Variants in MRE11 observed in about 807,000 individuals in gnomAD.
MRE11 encodes double-strand break repair protein MRE11.
A neutral mutation model predicts 91.7 loss-of-function variants in MRE11; 62 were observed. The ratio of observed to expected loss-of-function variants is 0.68; its 90% confidence interval spans 0.55 to 0.84. The LOEUF (loss-of-function observed/expected upper bound fraction) is 0.84. MRE11 is among the 40% of genes least tolerant of loss of function. The pLI is 0.00. For missense variants in MRE11, 796 were observed against 852.9 expected (o/e 0.93, Z 0.83); for synonymous variants, 273 against 271.4 (o/e 1.01, Z -0.06).
the MRE11 span, chr11:94,499,301 C>G: frequency 3.9e-5 from 6 of 152,550 alleles, 1 homozygote; most frequent in South Asian, 1.2e-3. Flanking sequence ...TATCTGCTAT[C>G]CAACTGGTTT....
At chr11:94,446,151 T>C (rs1591653533) in intron 15 of MRE11, among the ~76,000 whole-genome samples, 1 of 152,252 alleles carries the variant, frequency 6.6e-6, no homozygotes, top group African/African-American at 2.4e-5. Context: ...CTCACGCCTG[T>C]AATCCCAGCA....
intron 19 of MRE11, among the ~76,000 whole-genome samples, chr11:94,421,640 T>C (rs1945174149): frequency 6.6e-6 from 1 of 152,248 alleles, no homozygotes; most frequent in East Asian, 1.9e-4. Context: ...TGCTGCCATT[T>C]TTCTTGGCAG....
intron 10 of MRE11, 140 bp downstream of exon 10, chr11:94,467,673 C>A: frequency 2.9e-6 from 2 of 696,738 alleles, no homozygotes; most frequent in South Asian, 1.7e-5. Context: ...ATCCTTATAT[C>A]TTTGTTTTTG....
At chr11:94,437,394 T>C (rs1383376995) in intron 16 of MRE11, among the ~76,000 whole-genome samples, 159 bp from the exon 17 acceptor site, 3 of 152,200 alleles carry the variant, frequency 2.0e-5, no homozygotes, top group Non-Finnish European at 4.4e-5. Context: ...TAAAGGGAGA[T>C]AGAATTATAG....
At chr11:94,499,312 T>C in the MRE11 span, 1 of 152,626 alleles carries the variant, frequency 6.6e-6, no homozygotes, top group Non-Finnish European at 1.5e-5. Flanking sequence ...CAACTGGTTT[T>C]ACCTGCCTAA....
At chr11:94,475,668 C>G (rs1322013857) in intron 7 of MRE11, 2 of 455,634 alleles carry the variant, frequency 4.4e-6, no homozygotes, top group South Asian at 3.1e-5. Context: ...GAAAGGTAAT[C>G]TAGCTATATT....
At position 94,492,839 on chromosome 11, in the gene MRE11, TCTCC is replaced by T; in HGVS notation, c.-42_-39del. The stretch of plus-strand genomic sequence containing the variant: ...TCAAGCTCCTCTGGGACCAGGTTCT[TCTCC>T]AAGAACCCCTGGGTACTGTACTCAA... On this transcript the variant is annotated 5_prime_UTR_variant, in exon 2 of 20. Transcript: ENST00000323929. 1.2e-6 allele frequency: 2 copies of T among 1,602,680 alleles called. No individual in the cohort carries two copies. Among genetic ancestry groups the T allele is most frequent in the African/African-American group, 1.3e-5 (1 of 74,798 alleles).
chr11:94,487,521 A>C (rs191971844), intron 3 of MRE11, among the ~76,000 whole-genome samples: 34 of 152,322 alleles, frequency 2.2e-4, no homozygotes, highest in South Asian at 2.1e-4. Context: ...AATGTACCAG[A>C]TTAAAGGAGA....
upstream of MRE11, among the ~76,000 whole-genome samples, chr11:94,494,559 T>C (rs1947382110): frequency 6.6e-6 from 1 of 152,126 alleles, no homozygotes; most frequent in African/African-American, 2.4e-5. Context: ...CGGATCTCTC[T>C]CAAAATAGGA....
In MRE11 at chr11:94,459,412, T is replaced by C. The variant is rs774145193; in HGVS notation, c.1496A>G (p.Glu499Gly). 40 of 1,613,914 alleles carry C rather than the reference T, an allele frequency of 2.5e-5. No individual in the cohort carries two copies. Among genetic ancestry groups the C allele is most frequent in the Middle Eastern group, 3.3e-4 (2 of 6,028 alleles). Reference protein sequence around the residue: ...HIDALEDKIDEEVRRFRETRQ... With the variant: ...HIDALEDKIDGEVRRFRETRQ... ...ACACTCAAATTAGTTACTTACCTCC[T>C]CATCGATTTTGTCTTCGAGGGCATC... is the stretch of plus-strand genomic sequence containing the variant. The change falls in exon 13 of 20, where the codon GAG (glutamate) becomes GGG (glycine). Residue 499 changes from glutamate to glycine, a missense_variant. Glu to Gly is a moderately conservative substitution (Grantham distance 98, BLOSUM62 -2). Transcript: ENST00000323929.
intron 14 of MRE11, among the ~76,000 whole-genome samples, chr11:94,448,397 C>T (rs991730706): frequency 2.6e-5 from 4 of 151,296 alleles, no homozygotes; most frequent in Admixed American, 2.0e-4. Flanking sequence ...GGCAACATGG[C>T]GAGACCCTGC....
chr11:94,485,385 T>C (rs1400404232), intron 4 of MRE11, among the ~76,000 whole-genome samples: 1 of 152,134 alleles, frequency 6.6e-6, no homozygotes, highest in African/African-American at 2.4e-5. Context: ...TAAATATTTC[T>C]GTCAACAAGA....
Position 94,418,188 on chromosome 11 carries a change from G to A in MRE11, c.*1937C>T, listed in dbSNP as rs1446909764. On this transcript the variant is annotated 3_prime_UTR_variant, in exon 20 of 20. Coordinates refer to ENST00000323929, the MANE Select transcript of MRE11 (RefSeq NM_005591.4). ...AAGGATATATAGCACATTTAACTAT[G>A]TAACAATATTCAATCAAAAAAAGGT... The A allele has an allele frequency of 4.3e-6, 1 of 232,904 alleles. No individual in the cohort carries two copies. The highest frequency in any genetic ancestry group is 8.5e-6 in the Non-Finnish European group (1 of 117,958). The allele number at this position is 232,904 out of a possible 1,614,324, so 14.4% of individuals were successfully genotyped here. A position where few individuals can be genotyped will look rare whatever the true frequency, so the allele number is the denominator to read the frequency against.
rs1374095736 is a variant in MRE11, at chr11:94,445,792, C to T, written c.1867+18G>A. ...TAATGTTGGAATTTATAAATAATCA[C>T]TTGCAGTCTATACTCACCATCTATA... On this transcript the variant is annotated intron_variant, in intron 16 of 19. Coordinates refer to ENST00000323929, the MANE Select transcript of MRE11 (RefSeq NM_005591.4). 6.4e-7 allele frequency: 1 copy of T among 1,556,728 alleles called. No individual in the cohort carries two copies. The highest frequency in any genetic ancestry group is 8.9e-7 in the Non-Finnish European group (1 of 1,127,852).
At chr11:94,437,599 C>G (rs1184159944) in intron 16 of MRE11, among the ~76,000 whole-genome samples, 1 of 152,192 alleles carries the variant, frequency 6.6e-6, no homozygotes, top group Non-Finnish European at 1.5e-5. Context: ...GTTGACGATA[C>G]CTTTATCCCT....
upstream of MRE11, chr11:94,497,171 CT>C (rs1947428354): frequency 1.7e-6 from 1 of 596,548 alleles, no homozygotes; most frequent in Non-Finnish European, 2.9e-6. Context: ...AAGCAATCAT[CT>C]ATATTTTAAA....
the MRE11 span, among the ~76,000 whole-genome samples, chr11:94,504,816 G>T: frequency 6.6e-6 from 1 of 152,114 alleles, no homozygotes; most frequent in South Asian, 2.1e-4. Context: ...CTTTGATAAA[G>T]ACTTCATTTT....
chr11:94,475,654 A>C (rs1043494166), intron 7 of MRE11: 2 of 455,656 alleles, frequency 4.4e-6, no homozygotes, highest in Non-Finnish European at 8.8e-6. Context: ...AACTACTAAC[A>C]AAAGAAAGGT....
chr11:94,440,045 A>G (rs1328354305), intron 16 of MRE11, among the ~76,000 whole-genome samples: 6 of 152,258 alleles, frequency 3.9e-5, no homozygotes, highest in Admixed American at 3.9e-4. Context: ...GTGCTAAGCC[A>G]GCAGTAAAGA....
Sources: allele counts gnomAD v4.1 joint callset (sites outside exome capture counted in the v4.1 genomes callset), GRCh38; gene constraint gnomAD v4.1.1; transcripts MANE v1.5; gene names NCBI Gene and HGNC (gene_info 2026-07-23, HGNC 2026-07-21).